DNAAF11: variants seen among roughly 807,000 people sequenced by gnomAD.
The protein encoded by DNAAF11 is leucine rich repeat containing 6.
A neutral mutation model predicts 60.8 loss-of-function variants in DNAAF11; 45 were observed. The observed-to-expected ratio is 0.74, with a 90% CI of 0.58 to 0.95. The LOEUF (loss-of-function observed/expected upper bound fraction) is 0.95. DNAAF11 is among the 40% of genes least tolerant of loss of function. The pLI is 0.00. For missense variants in DNAAF11, 546 were observed against 546.2 expected, an observed-to-expected ratio of 1.00 and a Z score of 0.00; for synonymous variants, 191 against 183.5, an observed-to-expected ratio of 1.04 and a Z score of -0.33.
intron 10 of DNAAF11, among the ~76,000 whole-genome samples, chr8:132,594,965 A>G: frequency 6.6e-6 from 1 of 152,002 alleles, no homozygotes; most frequent in Non-Finnish European, 1.5e-5. Context: ...ATGGTTTGAT[A>G]AATGGTAGTC....
intron 6 of DNAAF11, among the ~76,000 whole-genome samples, chr8:132,623,004 C>T (rs1819912103): frequency 6.6e-6 from 1 of 152,092 alleles, no homozygotes. Context: ...TTAAGTAAGT[C>T]TATTTTATAC....
chr8:132,636,091 A>C (rs990035632), intron 4 of DNAAF11, among the ~76,000 whole-genome samples: 4 of 152,002 alleles, frequency 2.6e-5, no homozygotes, highest in African/African-American at 9.7e-5. Context: ...TTGTTACAGC[A>C]GCCCTAGGAA....
intron 1 of DNAAF11, among the ~76,000 whole-genome samples, chr8:132,674,460 A>G (rs1029872866): frequency 1.2e-4 from 19 of 152,324 alleles, no homozygotes; most frequent in Non-Finnish European, 2.1e-4. Context: ...TTTTACAATG[A>G]TAAGTGATCA....
chr8:132,575,339 T>C (rs987749059), intron 11 of DNAAF11, among the ~76,000 whole-genome samples: 11 of 152,184 alleles, frequency 7.2e-5, no homozygotes, highest in African/African-American at 2.4e-4. Flanking sequence ...ATTCCGTAAG[T>C]GTCAGTGCCA....
intron 10 of DNAAF11, among the ~76,000 whole-genome samples, chr8:132,589,713 T>C (rs1422711419): frequency 2.0e-5 from 3 of 152,206 alleles, no homozygotes; most frequent in East Asian, 1.9e-4. Context: ...ATTCGAATCA[T>C]TGGCTAATTG....
At chr8:132,626,945 G>C (rs62514509) in intron 5 of DNAAF11, among the ~76,000 whole-genome samples, 1,824 of 152,138 alleles carry the variant, frequency 0.012, 16 homozygotes, top group Non-Finnish European at 0.019. Context: ...ACTTTTCAAA[G>C]GGATGAACTG....
chr8:132,699,172 A>C, the DNAAF11 span, among the ~76,000 whole-genome samples: 1 of 151,818 alleles, frequency 6.6e-6, no homozygotes, highest in Non-Finnish European at 1.5e-5. Flanking sequence ...ATAATGAGAT[A>C]GTTGTGTGAC....
rs184939420 is a variant in DNAAF11, at chr8:132,645,647, A to G, written c.257-7540T>C. 4.2e-4 allele frequency among the ~76,000 whole-genome samples: 64 copies of G among 152,306 alleles called. 3 individuals are homozygous for G. Among genetic ancestry groups the G allele is most frequent in the African/African-American group, 1.5e-3 (63 of 41,566 alleles). Reference sequence around the variant, plus strand: ...ATAAACAGCGTAGAGAAGACCTTAAATGACCTGATGGAGCTGACAATCATG... The same window carrying G: ...ATAAACAGCGTAGAGAAGACCTTAAGTGACCTGATGGAGCTGACAATCATG... On this transcript the variant is annotated intron_variant, in intron 3 of 11. Transcript: ENST00000620350.
the DNAAF11 span, among the ~76,000 whole-genome samples, chr8:132,692,979 CTT>C: frequency 6.6e-6 from 1 of 152,236 alleles, no homozygotes; most frequent in Non-Finnish European, 1.5e-5. Context: ...TAAGGAGCAG[CTT>C]CCATCAATGG....
chr8:132,597,365 G>A (rs1224406717), intron 10 of DNAAF11, among the ~76,000 whole-genome samples: 1 of 152,018 alleles, frequency 6.6e-6, no homozygotes, highest in African/African-American at 2.4e-5. Context: ...ACCTCGCAAC[G>A]GGAGGCCTGT....
upstream of DNAAF11, among the ~76,000 whole-genome samples, chr8:132,678,227 G>A (rs758610481): frequency 9.2e-5 from 14 of 152,156 alleles, no homozygotes; most frequent in Non-Finnish European, 1.8e-4. Context: ...CTAAGTAATC[G>A]TTTCAAAGCT....
intron 2 of DNAAF11, among the ~76,000 whole-genome samples, chr8:132,657,465 G>C (rs991018443): frequency 1.3e-5 from 2 of 152,192 alleles, no homozygotes; most frequent in Non-Finnish European, 2.9e-5. Flanking sequence ...GCAGAGAGAA[G>C]GAATCAACCA....
chr8:132,689,111 TG>T, the DNAAF11 span, among the ~76,000 whole-genome samples: 1 of 152,220 alleles, frequency 6.6e-6, no homozygotes, highest in Non-Finnish European at 1.5e-5. Context: ...AGAGGAAAGA[TG>T]GCACATGTCA....
At chr8:132,668,388 T>A (rs1222962004) in intron 1 of DNAAF11, among the ~76,000 whole-genome samples, 1 of 152,074 alleles carries the variant, frequency 6.6e-6, no homozygotes, top group African/African-American at 2.4e-5. Context: ...CAGGAGACAG[T>A]GATCGGTGCT....
the DNAAF11 span, among the ~76,000 whole-genome samples, chr8:132,698,516 A>T: frequency 6.6e-6 from 1 of 152,138 alleles, no homozygotes; most frequent in African/African-American, 2.4e-5. Flanking sequence ...CTAAAGCTAA[A>T]TTACAATGTG....
intron 11 of DNAAF11, among the ~76,000 whole-genome samples, chr8:132,583,459 C>T (rs1325142497): frequency 1.3e-5 from 2 of 152,090 alleles, no homozygotes; most frequent in Non-Finnish European, 2.9e-5. Flanking sequence ...TTGACATTAC[C>T]AGTCGTTATA....
chr8:132,608,369 T>C (rs2129909575), intron 10 of DNAAF11: 3 of 349,290 alleles, frequency 8.6e-6, no homozygotes, highest in Non-Finnish European at 1.7e-5. Flanking sequence ...CATATATATA[T>C]AAATTATTTC....
chr8:132,670,071 C>T (rs1209218070), intron 1 of DNAAF11, among the ~76,000 whole-genome samples: 2 of 151,424 alleles, frequency 1.3e-5, no homozygotes, highest in African/African-American at 4.8e-5. Flanking sequence ...AGAAAGGTCT[C>T]AAATATTGGC....
intron 5 of DNAAF11, among the ~76,000 whole-genome samples, chr8:132,626,341 G>A (rs575906958): frequency 6.6e-6 from 1 of 152,168 alleles, no homozygotes; most frequent in Admixed American, 6.5e-5. Flanking sequence ...ATGAGCCACC[G>A]CACCCAGCCG....
Sources: gnomAD v4.1 joint callset for allele counts (sites outside exome capture counted in the v4.1 genomes callset) on GRCh38, gnomAD v4.1.1 for gene constraint, MANE v1.5 for transcripts, NCBI Gene and HGNC (gene_info 2026-07-23, HGNC 2026-07-21) for gene names.